Variants in ATPAF2 observed in about 807,000 individuals in gnomAD.
ATPAF2 encodes ATP synthase mitochondrial F1 complex assembly factor 2.
Under a neutral mutation model 36.6 loss-of-function variants are expected in ATPAF2, and 30 were observed. The ratio of observed to expected loss-of-function variants is 0.82; its 90% confidence interval spans 0.61 to 1.11. ATPAF2 has a LOEUF of 1.11. Among genes scored for constraint, ATPAF2 ranks in the 50% most tolerant of loss-of-function variants. ATPAF2 has a pLI of 0.00. For missense variants in ATPAF2, 321 were observed against 372.3 expected (o/e 0.86, Z 1.13); for synonymous variants, 140 against 152.6 (o/e 0.92, Z 0.61).
At chr17:18,038,842 A>C (rs777608669) in intron 1 of ATPAF2, 39 bp downstream of exon 1, 2 of 1,610,732 alleles carry the variant, frequency 1.2e-6, no homozygotes, top group Non-Finnish European at 1.7e-6. Flanking sequence ...ACCTTACCCC[A>C]GCTCGGCCCC....
intron 7 of ATPAF2, chr17:18,020,572 A>G (rs560132099): frequency 6.5e-6 from 1 of 154,718 alleles, no homozygotes; most frequent in Admixed American, 6.4e-5. Context: ...AAACAGAGAT[A>G]ACCACAGCTC....
At chr17:18,033,973 G>T (rs1166950600) in intron 1 of ATPAF2, among the ~76,000 whole-genome samples, 1 of 152,006 alleles carries the variant, frequency 6.6e-6, no homozygotes, top group Non-Finnish European at 1.5e-5. Flanking sequence ...ACAAAAATTA[G>T]CCAGGCATGG....
chr17:18,026,541 G>A (rs1046703884), intron 3 of ATPAF2, 125 bp from the exon 4 acceptor site: 13 of 784,986 alleles, frequency 1.7e-5, no homozygotes, highest in East Asian at 7.3e-5. Context: ...CACCAGAGGC[G>A]TCTGCATTAC....
intron 5 of ATPAF2, 59 bp from the exon 6 acceptor site, chr17:18,021,916 C>A: frequency 1.4e-6 from 2 of 1,457,554 alleles, no homozygotes; most frequent in Non-Finnish European, 1.9e-6. Context: ...AGCAGCCCAC[C>A]TTTTGACTAG....
At chr17:18,021,891 A>G in intron 5 of ATPAF2, 34 bp from the exon 6 acceptor site, 1 of 1,589,732 alleles carries the variant, frequency 6.3e-7, no homozygotes, top group Non-Finnish European at 8.6e-7. Flanking sequence ...TGTCTCTGTC[A>G]TGCTGTAGCC....
chr17:18,038,741 A>C, intron 1 of ATPAF2, 140 bp downstream of exon 1: 3 of 1,237,710 alleles, frequency 2.4e-6, no homozygotes, highest in Non-Finnish European at 3.4e-6. Context: ...TCACTTTCTC[A>C]TCTGTAAAAA....
chr17:18,026,484 G>A, intron 3 of ATPAF2, 68 bp from the exon 4 acceptor site: 16 of 1,206,872 alleles, frequency 1.3e-5, no homozygotes, highest in Non-Finnish European at 2.0e-5. Flanking sequence ...GCTTTCCTGA[G>A]GACACCACAT....
chr17:18,023,717 G>A (rs1390571416), intron 5 of ATPAF2, among the ~76,000 whole-genome samples: 1 of 152,238 alleles, frequency 6.6e-6, no homozygotes, highest in Non-Finnish European at 1.5e-5. Flanking sequence ...CACATTGTGA[G>A]CATCGGGCAG....
At chr17:18,026,584 A>G in intron 3 of ATPAF2, 168 bp from the exon 4 acceptor site, 1 of 663,786 alleles carries the variant, frequency 1.5e-6, no homozygotes, top group Non-Finnish European at 2.7e-6. Context: ...AGAGTGTGCC[A>G]CAACCAGGCT....
In ATPAF2 at chr17:18,028,637, A is replaced by C. The variant is rs370797755; in HGVS notation, c.156T>G (p.Asn52Lys). ...PPTERKRFYQ[N>K]VSITQGEGGF... ...CACCTTCACCCTGTGTGATGCTGAC[A>C]TTCTGATAAAACCTCTTCCTTTCTG... The change falls in exon 2 of 8, where the codon AAT (asparagine) becomes AAG (lysine). Residue 52 changes from asparagine to lysine, a missense_variant. This residue lies in a region of ATPAF2 where 53 missense variants were observed against 91.6 expected (regional missense o/e 0.58). Coordinates refer to ENST00000474627, the MANE Select transcript of ATPAF2 (RefSeq NM_145691.4). 15 of 1,613,348 alleles carry C rather than the reference A, an allele frequency of 9.3e-6. No individual in the cohort carries two copies. The highest frequency in any genetic ancestry group is 1.3e-5 in the Non-Finnish European group (15 of 1,179,998).
intron 1 of ATPAF2, among the ~76,000 whole-genome samples, chr17:18,035,583 T>C (rs1401544008): frequency 6.6e-6 from 1 of 152,252 alleles, no homozygotes; most frequent in Non-Finnish European, 1.5e-5. Context: ...GCCAAATGTA[T>C]AACATTTAGC....
downstream of ATPAF2, chr17:18,016,578 GA>G: frequency 6.2e-7 from 1 of 1,613,738 alleles, no homozygotes; most frequent in Non-Finnish European, 8.5e-7. Flanking sequence ...ATGAGATCAT[GA>G]GGAACCGCAA....
chr17:18,018,476 C>G lies in ATPAF2; in HGVS notation c.*73G>C. 6.2e-7 allele frequency: 1 copy of G among 1,600,820 alleles called. No homozygotes were observed. The highest frequency in any genetic ancestry group is 2.2e-5 in the East Asian group (1 of 44,852). The stretch of plus-strand genomic sequence containing the variant: ...AAGCCAAGGAAGCCAGCCCCACAGG[C>G]TGGGGAGCCCTGAAGGCCGGGGGAG... On this transcript the variant is annotated 3_prime_UTR_variant, in exon 8 of 8. Transcript: ENST00000474627.
At chr17:18,028,711 C>T (rs1313938703) in intron 1 of ATPAF2, 52 bp from the exon 2 acceptor site, 3 of 1,480,862 alleles carry the variant, frequency 2.0e-6, no homozygotes, top group African/African-American at 1.4e-5. Flanking sequence ...TGAGACAACT[C>T]AGGAAGCGAC....
intron 5 of ATPAF2, 33 bp from the exon 6 acceptor site, chr17:18,021,890 C>T (rs2044474953): frequency 1.3e-6 from 2 of 1,589,298 alleles, no homozygotes; most frequent in South Asian, 2.2e-5. Flanking sequence ...ATGTCTCTGT[C>T]ATGCTGTAGC....
chr17:18,024,033 G>C (rs1266592699), intron 5 of ATPAF2, among the ~76,000 whole-genome samples: 1 of 152,200 alleles, frequency 6.6e-6, no homozygotes, highest in African/African-American at 2.4e-5. Context: ...TTTTCTCCAA[G>C]TGCATACATA....
chr17:18,022,567 T>A (rs1470579323), intron 5 of ATPAF2, among the ~76,000 whole-genome samples: 1 of 149,568 alleles, frequency 6.7e-6, no homozygotes, highest in African/African-American at 2.4e-5. Context: ...TGAGCCACCA[T>A]GACCAGTCAG....
intron 4 of ATPAF2, chr17:18,025,957 T>G (rs1340870329): frequency 2.6e-6 from 1 of 386,462 alleles, no homozygotes; most frequent in Non-Finnish European, 4.9e-6. Flanking sequence ...GTTATCAGCA[T>G]CCATAGTGCC....
chr17:18,027,797 T>C (rs1284455470), intron 3 of ATPAF2, among the ~76,000 whole-genome samples: 1 of 152,240 alleles, frequency 6.6e-6, no homozygotes, highest in Non-Finnish European at 1.5e-5. Flanking sequence ...AATTACCTGC[T>C]AGTGGCTGTC....
Sources: gnomAD v4.1 joint callset for allele counts (sites outside exome capture counted in the v4.1 genomes callset) on GRCh38, gnomAD v4.1.1 for gene constraint, gnomAD v4.1.1 regional missense constraint, MANE v1.5 for transcripts, NCBI Gene and HGNC (gene_info 2026-07-23, HGNC 2026-07-21) for gene names.